RYR2: variants seen among roughly 807,000 people sequenced by gnomAD.
The protein encoded by RYR2 is cardiac muscle ryanodine receptor-calcium release channel.
RYR2 carries 227 observed loss-of-function variants against 601.1 expected under a neutral mutation model. The observed-to-expected ratio is 0.38, with a 90% confidence interval of 0.34 to 0.42. The LOEUF (loss-of-function observed/expected upper bound fraction) is 0.42. RYR2 is among the 10% of genes least tolerant of loss of function. The pLI is 1.00. For synonymous variants in RYR2, 2,223 were observed against 2,175.1 expected, an observed-to-expected ratio of 1.02 and a Z score of -0.61; for missense variants, 4,646 against 6,156.5, an observed-to-expected ratio of 0.75 and a Z score of 8.21.
chr1:237,458,428 C>G (rs756857163), intron 16 of RYR2, among the ~76,000 whole-genome samples: 1 of 152,082 alleles, frequency 6.6e-6, no homozygotes, highest in Non-Finnish European at 1.5e-5. Context: ...GACTCCATCT[C>G]AAAACAAAAA....
At chr1:237,757,114 T>G (rs975297720) in intron 81 of RYR2, among the ~76,000 whole-genome samples, 12 of 152,220 alleles carry the variant, frequency 7.9e-5, no homozygotes, top group South Asian at 2.1e-4. Flanking sequence ...TGTCCTTGAA[T>G]AGAAGATTAT....
intron 2 of RYR2, among the ~76,000 whole-genome samples, chr1:237,299,079 CAATGTT>C (rs1693091016): frequency 6.7e-6 from 1 of 149,780 alleles, no homozygotes; most frequent in Non-Finnish European, 1.5e-5. Flanking sequence ...TAAATGTGCT[CAATGTT>C]ATTTTTCCTG....
intron 29 of RYR2, among the ~76,000 whole-genome samples, chr1:237,571,248 C>T (rs1672654262): frequency 6.6e-6 from 1 of 151,452 alleles, no homozygotes; most frequent in Non-Finnish European, 1.5e-5. Context: ...TATATATTTG[C>T]ATATATATAG....
chr1:237,236,778 A>G (rs906278471), intron 1 of RYR2, among the ~76,000 whole-genome samples: 1 of 152,164 alleles, frequency 6.6e-6, no homozygotes, highest in Non-Finnish European at 1.5e-5. Context: ...GTGCTTTGAG[A>G]TATCATGTTG....
chr1:237,240,648 G>C (rs1255812140), intron 1 of RYR2, among the ~76,000 whole-genome samples: 2 of 123,186 alleles, frequency 1.6e-5, no homozygotes, highest in South Asian at 2.8e-4. Flanking sequence ...GTGTTGTATT[G>C]CCCCCTCTAT....
At chr1:237,379,476 G>T (rs1017195820) in intron 8 of RYR2, among the ~76,000 whole-genome samples, 1 of 152,126 alleles carries the variant, frequency 6.6e-6, no homozygotes, top group Admixed American at 6.5e-5. Flanking sequence ...TGAGATAATG[G>T]ATTTAAATAT....
chr1:237,831,670 G>T, intron 104 of RYR2, 105 bp downstream of exon 104: 1 of 674,296 alleles, frequency 1.5e-6, no homozygotes, highest in South Asian at 1.8e-5. Flanking sequence ...ATTACTTTCA[G>T]ATATTAGTTG....
chr1:237,402,892 C>T (rs1478479854), intron 10 of RYR2, among the ~76,000 whole-genome samples: 1 of 10,938 alleles, frequency 9.1e-5, no homozygotes, highest in Non-Finnish European at 2.8e-4. Context: ...AACCATCCCC[C>T]TGCTTCAGCC....
At chr1:237,659,387 G>A (rs1683556885) in intron 54 of RYR2, among the ~76,000 whole-genome samples, 4 of 152,138 alleles carry the variant, frequency 2.6e-5, no homozygotes, top group Admixed American at 2.6e-4. Flanking sequence ...GATTCTGTAG[G>A]CAGACAAGAA....
At chr1:237,832,508 C>T (rs1663920327) in intron 104 of RYR2, 44 bp from the exon 105 acceptor site, 5 of 1,312,236 alleles carry the variant, frequency 3.8e-6, no homozygotes, top group Middle Eastern at 1.8e-4. Flanking sequence ...TTTGTTAGCA[C>T]ACACTTTGGG....
chr1:237,548,920 T>C (rs2805453), intron 26 of RYR2, among the ~76,000 whole-genome samples: 130,486 of 152,170 alleles, frequency 0.86, 57,865 homozygotes, highest in South Asian at 0.96. Flanking sequence ...GATAATAAAA[T>C]GGGTTCACCA....
rs776327537 is a variant in RYR2 at position 237,625,694 on chromosome 1, G to C, written c.6056G>C (p.Gly2019Ala). The C allele has an allele frequency of 6.2e-7, 1 of 1,613,750 alleles. No individual in the cohort carries two copies. Among genetic ancestry groups the C allele is most frequent in the Non-Finnish European group, 8.5e-7 (1 of 1,179,852 alleles). The change falls in exon 40 of 105, where the codon GGA becomes GCA. Residue 2019 changes from glycine (G) to alanine (A), a missense_variant. By Grantham distance (60) the Gly-to-Ala change is moderately conservative. This residue lies in a region of RYR2 where 170 missense variants were observed against 184.5 expected (regional missense o/e 0.92). Coordinates refer to ENST00000366574, the MANE Select transcript of RYR2 (RefSeq NM_001035.3). Reference sequence around the variant, plus strand: ...CTGGATGAAGATGGGTCTCTGGATGGAAACAGTGATTTAACAATTAGAGGG... The same window carrying C: ...CTGGATGAAGATGGGTCTCTGGATGCAAACAGTGATTTAACAATTAGAGGG... ...IELDEDGSLD[G>A]NSDLTIRGRL...
chr1:237,162,663 A>T (rs773189792), intron 1 of RYR2, among the ~76,000 whole-genome samples: 1 of 152,072 alleles, frequency 6.6e-6, no homozygotes, highest in Non-Finnish European at 1.5e-5. Context: ...CTCAAAATAC[A>T]TGTTTTTGGC....
Position 237,445,942 on chromosome 1 carries a change from G to A in RYR2, c.1292+420G>A, listed in dbSNP as rs547610187. Among the ~76,000 whole-genome samples the A allele has an allele frequency of 2.6e-4, 40 of 152,038 alleles. 1 individual carries two copies. The South Asian group carries it at 7.1e-3, about 27-fold the overall frequency. ...AGCGATTCTCCTCCCTCAGCCTCCC[G>A]AGTAGCTAGGATTACAGGTGCTCAC... is the stretch of plus-strand genomic sequence containing the variant. On this transcript the variant is annotated intron_variant, in intron 14 of 104. Coordinates refer to ENST00000366574, the MANE Select transcript of RYR2 (RefSeq NM_001035.3).
Position 237,575,833 on chromosome 1 carries a change from G to A in RYR2, c.3598+6514G>A, listed in dbSNP as rs138456302. Among the ~76,000 whole-genome samples, 13 of 152,228 alleles carry A rather than the reference G, an allele frequency of 8.5e-5. No individual in the cohort carries two copies. The East Asian group carries it at 1.9e-3, about 23-fold the overall frequency. On this transcript the variant is annotated intron_variant, in intron 29 of 104. Transcript: ENST00000366574. ...GAAATTGGAGATGATAAGAATTGGA[G>A]TAAAAGGGACGAATTTATCATCATT...
chr1:237,757,157 GA>G (rs1373832464), intron 81 of RYR2, among the ~76,000 whole-genome samples: 1 of 152,000 alleles, frequency 6.6e-6, no homozygotes, highest in Non-Finnish European at 1.5e-5. Flanking sequence ...AGTGAACAAT[GA>G]AAAATGAAAT....
intron 1 of RYR2, among the ~76,000 whole-genome samples, chr1:237,089,135 C>T (rs1666675578): frequency 6.6e-6 from 1 of 152,188 alleles, no homozygotes; most frequent in African/African-American, 2.4e-5. Context: ...CAGGAAATTC[C>T]CTGCCAATTA....
intron 29 of RYR2, among the ~76,000 whole-genome samples, chr1:237,582,690 C>T (rs1329775710): frequency 6.6e-6 from 1 of 151,996 alleles, no homozygotes; most frequent in African/African-American, 2.4e-5. Context: ...GCTTTCTGTT[C>T]CTGGGTGCTA....
chr1:237,506,667 G>T, intron 22 of RYR2, 43 bp from the exon 23 acceptor site: 9 of 1,422,182 alleles, frequency 6.3e-6, no homozygotes, highest in Non-Finnish European at 8.8e-6. Context: ...GCATCTTATT[G>T]CATTTGTTTC....
Sources: allele counts gnomAD v4.1 joint callset (sites outside exome capture counted in the v4.1 genomes callset), GRCh38; gene constraint gnomAD v4.1.1; regional missense constraint gnomAD v4.1.1; transcripts MANE v1.5; gene names NCBI Gene and HGNC (gene_info 2026-07-23, HGNC 2026-07-21).